The following CCNT1 variants were observed in gnomAD, a reference collection of about 807,000 sequenced individuals.
CCNT1 encodes the protein cyclin T1, also known as cyclin-T1.
CCNT1 carries 18 observed loss-of-function variants against 67.3 expected under a neutral mutation model. The ratio of observed to expected loss-of-function variants is 0.27; its 90% CI spans 0.18 to 0.40. The LOEUF is 0.40. Ranked by LOEUF, CCNT1 falls within the 10% of genes least tolerant of loss-of-function variation. CCNT1 has a pLI of 1.00. For synonymous variants in CCNT1, 333 were observed against 310.3 expected (o/e 1.07, Z -0.77); for missense variants, 744 against 884.9 (o/e 0.84, Z 2.02).
At chr12:48,695,916 T>C in intron 7 of CCNT1, 83 bp downstream of exon 7, 1 of 1,542,370 alleles carries the variant, frequency 6.5e-7, no homozygotes, top group Non-Finnish European at 9.0e-7. Flanking sequence ...CTAACTATTT[T>C]CATCTGAATC....
intron 2 of CCNT1, among the ~76,000 whole-genome samples, chr12:48,714,041 T>C (rs1158873955): frequency 6.6e-6 from 1 of 152,140 alleles, no homozygotes; most frequent in African/African-American, 2.4e-5. Context: ...CACAGATGCA[T>C]ACCACAACAC....
chr12:48,716,490 C>T (rs769012852), intron 1 of CCNT1, 25 bp downstream of exon 1: 1 of 1,590,836 alleles, frequency 6.3e-7, no homozygotes, highest in African/African-American at 1.3e-5. Context: ...AACTCCAAGG[C>T]CGAAGGCCTA....
At chr12:48,714,305 C>A in intron 2 of CCNT1, 138 bp downstream of exon 2, 1 of 592,600 alleles carries the variant, frequency 1.7e-6, no homozygotes, top group South Asian at 1.9e-5. Flanking sequence ...AGAACAGCAA[C>A]ACAGCACATA....
chr12:48,715,092 C>A (rs1375724025), intron 1 of CCNT1, among the ~76,000 whole-genome samples: 2 of 152,330 alleles, frequency 1.3e-5, no homozygotes, highest in Admixed American at 6.5e-5. Flanking sequence ...GTATTACAGG[C>A]GCGAGCCACC....
chr12:48,712,579 T>TAAAAAAAAAAAAAAAAAAAAAAAAAAAAA (rs1565621828), intron 2 of CCNT1, among the ~76,000 whole-genome samples: 1 of 32,884 alleles, frequency 3.0e-5, no homozygotes. Context: ...ATCTTTTCCT[T>TAAAAAAAAAAAAAAAAAAAAAAAAAAAAA]AAAAAAAAAA....
In CCNT1 at chr12:48,689,559, T is replaced by C. The variant is rs1172090422; in HGVS notation, c.*3474A>G. ...ATTTCTCACCATTTGATGAGTTGCA[T>C]AGACTGCTTAAATTCTCCCAAGACC... On this transcript the variant is annotated 3_prime_UTR_variant, in exon 9 of 9. Transcript: ENST00000261900. The C allele has an allele frequency of 2.0e-5, 3 of 152,220 alleles. No homozygotes were observed. Among genetic ancestry groups the C allele is most frequent in the Non-Finnish European group, 4.4e-5 (3 of 68,030 alleles). The allele number at this position is 152,220 out of a possible 1,614,324, so 9.4% of individuals were successfully genotyped here. A position where few individuals can be genotyped will look rare whatever the true frequency, so the allele number is the denominator to read the frequency against.
intron 2 of CCNT1, among the ~76,000 whole-genome samples, chr12:48,707,541 A>G (rs1297096343): frequency 2.0e-5 from 3 of 151,968 alleles, no homozygotes; most frequent in African/African-American, 7.2e-5. Context: ...CTGCCTCCCA[A>G]AGTCCTAGGA....
chr12:48,709,126 C>CA (rs1940409652), intron 2 of CCNT1, among the ~76,000 whole-genome samples: 1 of 152,036 alleles, frequency 6.6e-6, no homozygotes, highest in Non-Finnish European at 1.5e-5. Flanking sequence ...GGGAAAAGGA[C>CA]AAGTCAAAGA....
At chr12:48,708,379 T>G (rs2137240168) in intron 2 of CCNT1, among the ~76,000 whole-genome samples, 2 of 151,900 alleles carry the variant, frequency 1.3e-5, no homozygotes, top group Middle Eastern at 3.4e-3. Flanking sequence ...AAACTCCATA[T>G]CTACTAAAAA....
chr12:48,702,214 C>T (rs1940282441), intron 3 of CCNT1, among the ~76,000 whole-genome samples: 1 of 152,186 alleles, frequency 6.6e-6, no homozygotes, highest in South Asian at 2.1e-4. Flanking sequence ...ATATATTTTT[C>T]AACATCACCA....
chr12:48,697,004 C>A (rs1419539153), intron 6 of CCNT1, among the ~76,000 whole-genome samples: 1 of 151,902 alleles, frequency 6.6e-6, no homozygotes, highest in South Asian at 2.1e-4. Context: ...TGCCAATTTT[C>A]GTATTTTTTA....
chr12:48,690,559 C>T lies in CCNT1; in HGVS notation c.*2474G>A, dbSNP rs1369899810. The T allele has an allele frequency of 6.6e-6, 1 of 152,224 alleles. No homozygotes were observed. The highest frequency in any genetic ancestry group is 1.5e-5 in the Non-Finnish European group (1 of 68,052). 9.4% of individuals were successfully genotyped at this position (152,224 alleles called of 1,614,324 possible). A position where few individuals can be genotyped will look rare whatever the true frequency, so the allele number is the denominator to read the frequency against. On this transcript the variant is annotated 3_prime_UTR_variant, in exon 9 of 9. Coordinates refer to ENST00000261900, the MANE Select transcript of CCNT1 (RefSeq NM_001240.4). Reference sequence around the variant, plus strand: ...ATATGCATAGATCTAAAAACAGACACTGTACGTATCTTAAGACAGTACCAG... The same window carrying T: ...ATATGCATAGATCTAAAAACAGACATTGTACGTATCTTAAGACAGTACCAG...
rs547033220 is a variant in CCNT1, at chr12:48,689,307, T to A, written c.*3726A>T. The stretch of plus-strand genomic sequence containing the variant: ...CTCTCACCCAAAAAGTAATTCTCAT[T>A]CCAGACTACTCTATCAGGCAGGATT... On this transcript the variant is annotated 3_prime_UTR_variant, in exon 9 of 9. Transcript: ENST00000261900. 1 of 152,340 alleles carries A rather than the reference T, an allele frequency of 6.6e-6. No individual in the cohort carries two copies. Among genetic ancestry groups the A allele is most frequent in the East Asian group, 1.9e-4 (1 of 5,186 alleles). The allele number at this position is 152,340 out of a possible 1,614,324, so 9.4% of individuals were successfully genotyped here. A position where few individuals can be genotyped will look rare whatever the true frequency, so the allele number is the denominator to read the frequency against.
chr12:48,712,199 ACT>A (rs1289110752), intron 2 of CCNT1, among the ~76,000 whole-genome samples: 1 of 152,004 alleles, frequency 6.6e-6, no homozygotes, highest in African/African-American at 2.4e-5. Flanking sequence ...AGCTTCATAA[ACT>A]CTCTTTCTAC....
chr12:48,714,704 A>G (rs183986770), intron 1 of CCNT1, among the ~76,000 whole-genome samples, 180 bp from the exon 2 acceptor site: 84 of 152,372 alleles, frequency 5.5e-4, no homozygotes, highest in African/African-American at 1.9e-3. Flanking sequence ...TTAATCGCCA[A>G]CTGACACTTA....
intron 4 of CCNT1, among the ~76,000 whole-genome samples, chr12:48,700,260 A>C (rs1444451897): frequency 6.6e-6 from 1 of 151,084 alleles, no homozygotes; most frequent in Non-Finnish European, 1.5e-5. Flanking sequence ...CGGAGGTTGC[A>C]ATGAGCCAAG....
intron 2 of CCNT1, among the ~76,000 whole-genome samples, chr12:48,712,347 C>T (rs1302042506): frequency 2.6e-5 from 4 of 151,554 alleles, no homozygotes; most frequent in African/African-American, 9.7e-5. Flanking sequence ...CAATAGCGAT[C>T]TCGGCTCACC....
intron 2 of CCNT1, among the ~76,000 whole-genome samples, chr12:48,712,319 G>T (rs1353089431): frequency 1.3e-5 from 2 of 151,586 alleles, no homozygotes; most frequent in African/African-American, 2.4e-5. Flanking sequence ...TTTCGCTCTT[G>T]TTGCCTAGGC....
At chr12:48,699,080 C>G (rs1300836756) in intron 5 of CCNT1, among the ~76,000 whole-genome samples, 1 of 152,040 alleles carries the variant, frequency 6.6e-6, no homozygotes, top group African/African-American at 2.4e-5. Flanking sequence ...ACAAACTGTT[C>G]TGGGTGACAA....
Sources: allele counts gnomAD v4.1 joint callset (sites outside exome capture counted in the v4.1 genomes callset), GRCh38; gene constraint gnomAD v4.1.1; transcripts MANE v1.5; gene names NCBI Gene and HGNC (gene_info 2026-07-23, HGNC 2026-07-21).